Variants in TCERG1L observed in about 807,000 individuals in gnomAD.
The protein encoded by TCERG1L is transcription elongation regulator 1 like, also known as transcription elongation regulator 1-like protein.
A neutral mutation model predicts 56.3 loss-of-function variants in TCERG1L; 37 were observed. The observed-to-expected ratio is 0.66, with a 90% confidence interval of 0.51 to 0.87. The LOEUF (loss-of-function observed/expected upper bound fraction) is 0.87. Among genes scored for constraint, TCERG1L ranks in the 40% least tolerant of loss-of-function variants. The pLI, the probability that TCERG1L is intolerant of heterozygous loss-of-function variation, is 0.00. For synonymous variants in TCERG1L, 324 were observed against 326.3 expected (o/e 0.99, Z 0.08); for missense variants, 799 against 774.2 (o/e 1.03, Z -0.38).
intron 4 of TCERG1L, among the ~76,000 whole-genome samples, chr10:131,196,409 G>A (rs1845364085): frequency 1.3e-5 from 2 of 152,174 alleles, no homozygotes; most frequent in African/African-American, 4.8e-5. Context: ...AGAGAAAGAG[G>A]ATTCAGGATG....
In TCERG1L at chr10:131,311,339, G is replaced by T; in HGVS notation, c.297C>A (p.Ser99=). ...PLLPLPSAPD[S]AAAAAAHPFP... is the part of the protein sequence containing the mutation. ...AGGGGTGCGCGGCGGCGGCGGCGGC[G>T]GAGTCTGGCGCAGAGGGCAGCGGCA... The change falls in exon 1 of 12, where the codon TCC becomes TCA. Residue 99 remains serine (S), a synonymous_variant. Coordinates refer to ENST00000368642, the MANE Select transcript of TCERG1L (RefSeq NM_174937.4). The surrounding 1 kb of genome is among the most constrained non-coding windows in gnomAD (Gnocchi z 4.0). 1 of 1,204,612 alleles carries T rather than the reference G, an allele frequency of 8.3e-7. No homozygotes were observed. Among genetic ancestry groups the T allele is most frequent in the Non-Finnish European group, 1.0e-6 (1 of 971,560 alleles). 74.6% of individuals were successfully genotyped at this position (1,204,612 alleles called of 1,614,324 possible).
chr10:131,276,349 G>T (rs1292415092), intron 3 of TCERG1L, among the ~76,000 whole-genome samples: 2 of 152,218 alleles, frequency 1.3e-5, no homozygotes, highest in African/African-American at 4.8e-5. Context: ...AGGCTTCATT[G>T]ACCTTGAGAG....
chr10:131,220,789 G>A (rs997608306), intron 4 of TCERG1L, among the ~76,000 whole-genome samples: 1 of 152,234 alleles, frequency 6.6e-6, no homozygotes, highest in Non-Finnish European at 1.5e-5. Context: ...GTGGTCCAGA[G>A]CCAGGATGAG....
At chr10:131,241,879 G>A (rs772454676) in intron 4 of TCERG1L, among the ~76,000 whole-genome samples, 9 of 151,556 alleles carry the variant, frequency 5.9e-5, no homozygotes, top group Non-Finnish European at 1.3e-4. Flanking sequence ...CACAATTACC[G>A]CAGCATTTCT....
At chr10:131,282,523 C>G (rs1304843423) in intron 3 of TCERG1L, among the ~76,000 whole-genome samples, 1 of 152,142 alleles carries the variant, frequency 6.6e-6, no homozygotes, top group African/African-American at 2.4e-5. Flanking sequence ...AAACTTTTCA[C>G]TAGAAGTTGA....
chr10:131,173,268 T>C (rs1347361370), intron 4 of TCERG1L, among the ~76,000 whole-genome samples: 3 of 152,164 alleles, frequency 2.0e-5, no homozygotes, highest in Admixed American at 6.5e-5. Flanking sequence ...TGAGATAAAG[T>C]AGGCACACTG....
rs561930646 is a variant in TCERG1L, at chr10:131,160,434, A to G, written c.1034+2688T>C. Among the ~76,000 whole-genome samples the G allele has an allele frequency of 4.5e-4, 68 of 151,378 alleles. 1 individual carries two copies. The highest frequency in any genetic ancestry group is 1.5e-3 in the African/African-American group (64 of 41,296). On this transcript the variant is annotated intron_variant, in intron 6 of 11. Transcript: ENST00000368642. Reference sequence around the variant, plus strand: ...CCCCGCCACTCCCTCTGACCACCTGAAGCCCCTGGCCCTACACCCCGCCAC... The same window carrying G: ...CCCCGCCACTCCCTCTGACCACCTGGAGCCCCTGGCCCTACACCCCGCCAC...
At chr10:131,168,462 G>A (rs112907848) in intron 4 of TCERG1L, among the ~76,000 whole-genome samples, 378 of 152,332 alleles carry the variant, frequency 2.5e-3, no homozygotes, top group Non-Finnish European at 4.1e-3. Context: ...GCACCCTTGG[G>A]AGGAAGCCCC....
intron 4 of TCERG1L, among the ~76,000 whole-genome samples, chr10:131,170,813 AG>A (rs2133440418): frequency 6.6e-6 from 1 of 152,282 alleles, no homozygotes; most frequent in East Asian, 1.9e-4. Flanking sequence ...ATTCAACACC[AG>A]CCTCTTGAAG....
intron 4 of TCERG1L, among the ~76,000 whole-genome samples, chr10:131,228,026 C>G (rs2133505906): frequency 6.6e-6 from 1 of 151,974 alleles, no homozygotes; most frequent in South Asian, 2.1e-4. Context: ...CTTGCCCAGC[C>G]CCCCTCTCCG....
At chr10:131,258,585 T>C (rs983121621) in intron 4 of TCERG1L, among the ~76,000 whole-genome samples, 5 of 152,198 alleles carry the variant, frequency 3.3e-5, no homozygotes, top group Non-Finnish European at 5.9e-5. Context: ...TCCTGTCCTA[T>C]GGGCAGGGTT....
At chr10:131,250,454 C>G (rs956428952) in intron 4 of TCERG1L, among the ~76,000 whole-genome samples, 1 of 152,208 alleles carries the variant, frequency 6.6e-6, no homozygotes, top group African/African-American at 2.4e-5. Flanking sequence ...CAGCGCTAAT[C>G]ATTTCAATAG....
At chr10:131,246,643 C>T (rs1846041943) in intron 4 of TCERG1L, among the ~76,000 whole-genome samples, 1 of 151,656 alleles carries the variant, frequency 6.6e-6, no homozygotes, top group East Asian at 1.9e-4. Flanking sequence ...GGAGCTCCTC[C>T]TTCCGTGGTG....
At chr10:131,130,614 G>A (rs1288622362) in intron 8 of TCERG1L, among the ~76,000 whole-genome samples, 1 of 152,208 alleles carries the variant, frequency 6.6e-6, no homozygotes, top group Non-Finnish European at 1.5e-5. Context: ...TGATGATCAC[G>A]CTGAAGAGTT....
rs906329052 is a variant in TCERG1L, at chr10:131,282,155, A to G, written c.671-21711T>C. The stretch of plus-strand genomic sequence containing the variant: ...CATCTCAGAAAAAAAAAAAAAAAAA[A>G]AAAAAAGAAAACCCTTCTTCTGCAA... On this transcript the variant is annotated intron_variant, in intron 3 of 11. Transcript: ENST00000368642. 7.9e-4 allele frequency among the ~76,000 whole-genome samples: 120 copies of G among 151,094 alleles called. 1 individual carries two copies. The highest frequency in any genetic ancestry group is 2.9e-3 in the African/African-American group (119 of 41,278).
intron 11 of TCERG1L, chr10:131,095,231 GAC>G (rs1491275365): frequency 1.3e-5 from 2 of 149,444 alleles, no homozygotes; most frequent in South Asian, 1.8e-4. Context: ...AACCCCACCG[GAC>G]GGCCAACCCC....
chr10:131,146,744 C>T (rs1363270739), intron 6 of TCERG1L, 84 bp from the exon 7 acceptor site: 2 of 1,423,066 alleles, frequency 1.4e-6, no homozygotes, highest in African/African-American at 1.4e-5. Context: ...ACTGAAAAAG[C>T]CCCTCAGGAC....
chr10:131,144,423 C>T (rs1316706450), intron 7 of TCERG1L, among the ~76,000 whole-genome samples: 8 of 152,148 alleles, frequency 5.3e-5, no homozygotes, highest in African/African-American at 1.7e-4. Flanking sequence ...TCCCCGATCA[C>T]GAATTAACCC....
chr10:131,159,252 G>A (rs1209884811), intron 6 of TCERG1L, among the ~76,000 whole-genome samples: 1 of 152,138 alleles, frequency 6.6e-6, no homozygotes, highest in Non-Finnish European at 1.5e-5. Context: ...GAGCACCGTG[G>A]GCTTGACCTC....
Sources: gnomAD v4.1 joint callset for allele counts (sites outside exome capture counted in the v4.1 genomes callset) on GRCh38, gnomAD v4.1.1 for gene constraint, Gnocchi (gnomAD v3.1) non-coding constraint, MANE v1.5 for transcripts, NCBI Gene and HGNC (gene_info 2026-07-23, HGNC 2026-07-21) for gene names.